FOXN1: variants seen among roughly 807,000 people sequenced by gnomAD.
FOXN1 encodes forkhead box N1, also known as forkhead box protein N1.
A neutral mutation model predicts 49.0 loss-of-function variants in FOXN1; 15 were observed. That is an observed-to-expected ratio of 0.31 (90% CI 0.20 to 0.47). FOXN1 has a LOEUF of 0.47. Among genes scored for constraint, FOXN1 ranks in the 20% least tolerant of loss-of-function variants. The pLI, the probability that FOXN1 is intolerant of heterozygous loss-of-function variation, is 1.00. For synonymous variants in FOXN1, 356 were observed against 369.0 expected (o/e 0.96, Z 0.40); for missense variants, 800 against 842.8 (o/e 0.95, Z 0.63).
chr17:28,523,878 T>G, intron 1 of FOXN1, 78 bp from the exon 2 acceptor site: 1 of 1,342,742 alleles, frequency 7.4e-7, no homozygotes, highest in Non-Finnish European at 1.1e-6. Flanking sequence ...AGGATGGGGT[T>G]GGGGTGGAGG....
At chr17:28,528,147 C>T (rs1031716820) in intron 4 of FOXN1, among the ~76,000 whole-genome samples, 2 of 152,200 alleles carry the variant, frequency 1.3e-5, no homozygotes, top group African/African-American at 4.8e-5. Flanking sequence ...TCAGCCAAGC[C>T]AGGGAGGAAG....
At chr17:28,520,325 G>A (rs532951608) in intron 1 of FOXN1, among the ~76,000 whole-genome samples, 2 of 152,316 alleles carry the variant, frequency 1.3e-5, no homozygotes, top group African/African-American at 4.8e-5. Context: ...CTTCTGACCA[G>A]CCCCTGAGGA....
At position 28,534,385 on chromosome 17, in the gene FOXN1, T is replaced by A; in HGVS notation, c.982T>A (p.Cys328Ser). ...CCGGCACAACCTATCCCTCAACAAGTGCTTCGAGAAGGTGGAGAACAAATC... is the reference window on the plus strand; with the variant it reads ...CCGGCACAACCTATCCCTCAACAAGAGCTTCGAGAAGGTGGAGAACAAATC... ...SVRHNLSLNK[C>S]FEKVENKSGS... Residue 328 changes from cysteine to serine, a missense_variant, in exon 7 of 9, where the codon TGC (cysteine) becomes AGC (serine). Physicochemically the swap from Cys to Ser is moderately radical, Grantham distance 112 (BLOSUM62 -1). Coordinates refer to ENST00000579795, the MANE Select transcript of FOXN1 (RefSeq NM_001369369.1). This position sits in a 1 kb window ranked among gnomAD's most constrained non-coding sequence, Gnocchi z 4.1. The A allele has an allele frequency of 6.2e-7, 1 of 1,614,068 alleles. No homozygotes were observed. Among genetic ancestry groups the A allele is most frequent in the Non-Finnish European group, 8.5e-7 (1 of 1,180,000 alleles).
At position 28,534,662 on chromosome 17, in the gene FOXN1, G is replaced by C. The variant is rs766253885; in HGVS notation, c.1136-45G>C. 1.2e-6 allele frequency: 2 copies of C among 1,612,544 alleles called. No homozygotes were observed. Among genetic ancestry groups the C allele is most frequent in the Non-Finnish European group, 1.7e-6 (2 of 1,179,634 alleles). ...GGGTTCCAGTCTGGGGAAGACTGTG[G>C]AGGAGGGAGGTCTCATGGTGTTCTT... On this transcript the variant is annotated intron_variant, in intron 7 of 8. Coordinates refer to ENST00000579795, the MANE Select transcript of FOXN1 (RefSeq NM_001369369.1). This position sits in a 1 kb window ranked among gnomAD's most constrained non-coding sequence, Gnocchi z 4.1.
At chr17:28,529,865 G>A (rs2069866438) in intron 5 of FOXN1, among the ~76,000 whole-genome samples, 1 of 152,174 alleles carries the variant, frequency 6.6e-6, no homozygotes, top group African/African-American at 2.4e-5. Context: ...GCAGAGAAGG[G>A]CTTTGTGAAA....
chr17:28,507,267 C>T (rs377090792), intron 1 of FOXN1, among the ~76,000 whole-genome samples: 2 of 152,174 alleles, frequency 1.3e-5, no homozygotes, highest in Admixed American at 1.3e-4. Context: ...ACCCACTACC[C>T]GCTCAGATAA....
At chr17:28,528,706 G>T (rs755239843) in intron 4 of FOXN1, among the ~76,000 whole-genome samples, 1 of 152,142 alleles carries the variant, frequency 6.6e-6, no homozygotes, top group Non-Finnish European at 1.5e-5. Flanking sequence ...CCCAGCAAAC[G>T]CCCAGGCTGG....
rs961428523 is a variant in FOXN1 at position 28,520,336 on chromosome 17, C to A, written c.-14-3620C>A. On this transcript the variant is annotated intron_variant, in intron 1 of 8. Transcript: ENST00000579795. Reference sequence around the variant, plus strand: ...AGGGCTTCTGACCAGCCCCTGAGGACCCCCTCTCTCCTGGGCCGTGTGGCC... The same window carrying A: ...AGGGCTTCTGACCAGCCCCTGAGGAACCCCTCTCTCCTGGGCCGTGTGGCC... 2.0e-5 allele frequency among the ~76,000 whole-genome samples: 3 copies of A among 152,324 alleles called. No homozygotes were observed. The East Asian group carries it at 5.8e-4, about 29-fold the overall frequency.
intron 5 of FOXN1, among the ~76,000 whole-genome samples, chr17:28,529,933 T>C (rs2069869017): frequency 6.6e-6 from 1 of 150,956 alleles, no homozygotes; most frequent in Non-Finnish European, 1.5e-5. Context: ...CAGAAATGAG[T>C]TCAAGACCAG....
chr17:28,521,829 G>T (rs2069647996), intron 1 of FOXN1, among the ~76,000 whole-genome samples: 2 of 152,244 alleles, frequency 1.3e-5, no homozygotes, highest in South Asian at 4.1e-4. Flanking sequence ...GGTTTATTCA[G>T]CAAAGATGTG....
chr17:28,531,835 G>T (rs571748673), intron 6 of FOXN1, among the ~76,000 whole-genome samples: 1 of 152,146 alleles, frequency 6.6e-6, no homozygotes, highest in East Asian at 1.9e-4. Context: ...ATAATTTGAC[G>T]CTTGATGTTC....
Position 28,534,462 on chromosome 17 carries a change from C to A in FOXN1, c.1059C>A (p.Ile353=). 1.2e-6 allele frequency: 2 copies of A among 1,613,994 alleles called. No homozygotes were observed. Among genetic ancestry groups the A allele is most frequent in the Non-Finnish European group, 1.7e-6 (2 of 1,179,988 alleles). ...TGTGGGCCCTCAATCCGGCCAAGAT[C>A]GACAAGATGCAAGAGGAGCTGCAAA... ...GCLWALNPAK[I]DKMQEELQKW... The change falls in exon 7 of 9, where the codon ATC becomes ATA. Residue 353 remains isoleucine (I), a synonymous_variant. Coordinates refer to ENST00000579795, the MANE Select transcript of FOXN1 (RefSeq NM_001369369.1). The surrounding 1 kb of genome is among the most constrained non-coding windows in gnomAD (Gnocchi z 4.1).
Position 28,523,964 on chromosome 17 carries a change from T to C in FOXN1, c.-6T>C. ...AGACGGCTTTCTTTGAGGCCAGGAC[T>C]GGGTGATGGTGTCGCTACCCCCGCC... On this transcript the variant is annotated 5_prime_UTR_variant, in exon 2 of 9. Coordinates refer to ENST00000579795, the MANE Select transcript of FOXN1 (RefSeq NM_001369369.1). The C allele has an allele frequency of 1.2e-6, 2 of 1,613,100 alleles. No individual in the cohort carries two copies. The highest frequency in any genetic ancestry group is 2.2e-5 in the East Asian group (1 of 44,844).
Position 28,534,260 on chromosome 17 carries a change from G to A in FOXN1, c.928-71G>A. On this transcript the variant is annotated intron_variant, in intron 6 of 8. Transcript: ENST00000579795. This position sits in a 1 kb window ranked among gnomAD's most constrained non-coding sequence, Gnocchi z 4.1. The stretch of plus-strand genomic sequence containing the variant: ...CCAGAGGAGAAACAGGAGTGTTCTA[G>A]AACCCAGACCTGAAGCCCGCTCTGG... The A allele has an allele frequency of 6.2e-7, 1 of 1,611,302 alleles. No individual in the cohort carries two copies. Among genetic ancestry groups the A allele is most frequent in the South Asian group, 1.1e-5 (1 of 90,768 alleles).
In FOXN1 at chr17:28,524,849, C is replaced by G; in HGVS notation, c.470C>G (p.Ala157Gly). ...HSFKTPGPLE[A>G]FEEIPVDVAE... is the part of the protein sequence containing the mutation. ...TTTAAGACCCCAGGGCCGCTGGAGG[C>G]CTTCGAGGAGATCCCAGTGGACGTG... The change falls in exon 3 of 9, where the codon GCC becomes GGC. Residue 157 changes from alanine (A) to glycine (G), a missense_variant. Physicochemically the swap from Ala to Gly is moderately conservative, Grantham distance 60. Transcript: ENST00000579795. The G allele has an allele frequency of 6.2e-7, 1 of 1,613,786 alleles. No individual in the cohort carries two copies. The highest frequency in any genetic ancestry group is 8.5e-7 in the Non-Finnish European group (1 of 1,179,988).
chr17:28,520,136 C>T (rs1567875285), intron 1 of FOXN1, among the ~76,000 whole-genome samples: 1 of 152,178 alleles, frequency 6.6e-6, no homozygotes, highest in Non-Finnish European at 1.5e-5. Context: ...GCATCATGCC[C>T]AACCAAAGTC....
At chr17:28,521,800 T>A (rs145110350) in intron 1 of FOXN1, among the ~76,000 whole-genome samples, 130 of 152,346 alleles carry the variant, frequency 8.5e-4, no homozygotes, top group Non-Finnish European at 1.6e-3. Flanking sequence ...ACCCTGTCTG[T>A]CAAATGAGGC....
At chr17:28,536,874 CA>C (rs2070077621) in intron 8 of FOXN1, among the ~76,000 whole-genome samples, 1 of 152,256 alleles carries the variant, frequency 6.6e-6, no homozygotes, top group Admixed American at 6.5e-5. Context: ...GCCCACCCCC[CA>C]AAAAGAACCA....
chr17:28,531,477 G>T (rs2069913007), intron 6 of FOXN1, among the ~76,000 whole-genome samples: 1 of 152,182 alleles, frequency 6.6e-6, no homozygotes, highest in South Asian at 2.1e-4. Context: ...CCTCTCTAGA[G>T]GCAGGACAGG....
Sources: allele counts gnomAD v4.1 joint callset (sites outside exome capture counted in the v4.1 genomes callset), GRCh38; gene constraint gnomAD v4.1.1; non-coding constraint Gnocchi (gnomAD v3.1); transcripts MANE v1.5; gene names NCBI Gene and HGNC (gene_info 2026-07-23, HGNC 2026-07-21).